MTA1: variants seen among roughly 807,000 people sequenced by gnomAD.
MTA1 encodes the protein metastasis associated 1.
In MTA1, 15 loss-of-function variants were observed where a neutral mutation model predicts 97.0. The ratio of observed to expected loss-of-function variants is 0.15; its 90% CI spans 0.10 to 0.24. The LOEUF (loss-of-function observed/expected upper bound fraction) is 0.24. MTA1 is among the 10% of genes least tolerant of loss of function. MTA1 has a pLI of 1.00. For synonymous variants in MTA1, 435 were observed against 417.5 expected (o/e 1.04, Z -0.51); for missense variants, 709 against 1,015.1 (o/e 0.70, Z 4.10).
chr14:105,458,216 G>A lies in MTA1; in HGVS notation c.551-54G>A, dbSNP rs782716799. On this transcript the variant is annotated intron_variant, in intron 7 of 20. Coordinates refer to ENST00000331320, the MANE Select transcript of MTA1 (RefSeq NM_004689.4). The stretch of plus-strand genomic sequence containing the variant: ...CCCCGCACCCGGGGAGGAGAGGCGC[G>A]GCCCGGCGCGCCGTGGGACCCCGTC... 4.2e-5 allele frequency: 63 copies of A among 1,517,396 alleles called. No individual in the cohort carries two copies. In the East Asian group the frequency reaches 7.3e-4, roughly 18 times the overall value. 94.0% of individuals were successfully genotyped at this position (1,517,396 alleles called of 1,614,324 possible).
intron 2 of MTA1, among the ~76,000 whole-genome samples, chr14:105,441,126 T>A (rs111705925): frequency 0.021 from 3,132 of 152,162 alleles, 111 homozygotes; most frequent in African/African-American, 0.071. Context: ...GGTCAGGTGG[T>A]CCCACAGAGC....
chr14:105,438,776 T>A, intron 2 of MTA1, 37 bp downstream of exon 2: 1 of 1,547,826 alleles, frequency 6.5e-7, no homozygotes, highest in African/African-American at 1.4e-5. Context: ...AGGGGGGTAG[T>A]GGGTGGGGGC....
chr14:105,468,158 T>G (rs2083674799), intron 18 of MTA1: 7 of 461,630 alleles, frequency 1.5e-5, no homozygotes, highest in Non-Finnish European at 2.5e-5. Context: ...TGGGTAGGCA[T>G]GAGCTGAGCT....
chr14:105,425,627 C>T (rs1243988488), intron 1 of MTA1, among the ~76,000 whole-genome samples: 1 of 152,132 alleles, frequency 6.6e-6, no homozygotes, highest in African/African-American at 2.4e-5. Context: ...GCTACCTGGG[C>T]TCACTGCTTT....
intron 1 of MTA1, among the ~76,000 whole-genome samples, chr14:105,427,947 C>T (rs114432038): frequency 0.016 from 2,307 of 144,650 alleles, 68 homozygotes; most frequent in African/African-American, 0.058. Context: ...GCGTGCAGGA[C>T]GCAGAGGTTG....
rs375221067 is a variant in MTA1 at position 105,466,493 on chromosome 14, G to C, written c.1692G>C (p.Thr564=). 1.3e-6 allele frequency: 2 copies of C among 1,557,880 alleles called. No homozygotes were observed. The highest frequency in any genetic ancestry group is 3.4e-4 in the Middle Eastern group (2 of 5,842). The change falls in exon 17 of 21, where the codon ACG becomes ACC. Residue 564 remains threonine, a synonymous_variant. Coordinates refer to ENST00000331320, the MANE Select transcript of MTA1 (RefSeq NM_004689.4). ...TGTCCAGCGTGCTCAGCAGCCTGACGCCCGCCAAGGTGGCCCCCGTCATCA... is the reference window on the plus strand; with the variant it reads ...TGTCCAGCGTGCTCAGCAGCCTGACCCCCGCCAAGGTGGCCCCCGTCATCA... ...KSVSSVLSSL[T]PAKVAPVINN...
chr14:105,429,624 T>C (rs1365394307), intron 1 of MTA1, among the ~76,000 whole-genome samples: 1 of 151,246 alleles, frequency 6.6e-6, no homozygotes, highest in Non-Finnish European at 1.5e-5. Context: ...GCTAATTTTT[T>C]GTATTTTTTT....
chr14:105,429,324 C>T (rs2082103827), intron 1 of MTA1, among the ~76,000 whole-genome samples: 1 of 151,882 alleles, frequency 6.6e-6, no homozygotes, highest in Non-Finnish European at 1.5e-5. Flanking sequence ...CTTGCTCTGT[C>T]GCCCAGGCTG....
At chr14:105,437,294 C>CCTCACGGGTGT (rs1555424589) in intron 1 of MTA1, among the ~76,000 whole-genome samples, 1 of 139,754 alleles carries the variant, frequency 7.2e-6, no homozygotes, top group African/African-American at 2.7e-5. Context: ...CCTGCAGGTG[C>CCTCACGGGTGT]GTCCTCATGG....
chr14:105,431,865 A>T (rs1236368480), intron 1 of MTA1, among the ~76,000 whole-genome samples: 2 of 151,908 alleles, frequency 1.3e-5, no homozygotes, highest in African/African-American at 4.8e-5. Context: ...ACCTCAGGTG[A>T]TCCGCCCACC....
intron 16 of MTA1, chr14:105,465,390 C>G (rs1487442037): frequency 2.5e-6 from 1 of 404,758 alleles, no homozygotes; most frequent in East Asian, 3.7e-5. Context: ...CTCCTGGGGT[C>G]GTGATGGGGC....
At chr14:105,433,576 A>T (rs1295672413) in intron 1 of MTA1, among the ~76,000 whole-genome samples, 3 of 152,254 alleles carry the variant, frequency 2.0e-5, no homozygotes, top group Non-Finnish European at 2.9e-5. Flanking sequence ...GGCCCTTTCC[A>T]GGAAAGGGAG....
At chr14:105,449,939 A>T in intron 4 of MTA1, 119 bp from the exon 5 acceptor site, 1 of 1,415,772 alleles carries the variant, frequency 7.1e-7, no homozygotes, top group Non-Finnish European at 9.7e-7. Context: ...CAGCAGGAGG[A>T]GGCACGCCTC....
At chr14:105,460,699 G>A in intron 9 of MTA1, 66 bp from the exon 10 acceptor site, 1 of 1,457,720 alleles carries the variant, frequency 6.9e-7, no homozygotes, top group Non-Finnish European at 9.1e-7. Flanking sequence ...TGAGGGAGGG[G>A]GTACCGTGCC....
chr14:105,439,924 C>T (rs1366442737), intron 2 of MTA1, among the ~76,000 whole-genome samples: 18 of 152,096 alleles, frequency 1.2e-4, no homozygotes, highest in African/African-American at 2.4e-4. Flanking sequence ...GAGGGGGCAG[C>T]GGGGGGAAGG....
chr14:105,427,556 C>T (rs782071999), intron 1 of MTA1, among the ~76,000 whole-genome samples: 14 of 152,110 alleles, frequency 9.2e-5, no homozygotes, highest in African/African-American at 2.7e-4. Flanking sequence ...AAGGCTGTTG[C>T]GTATTGATTG....
At position 105,463,622 on chromosome 14, in the gene MTA1, G is replaced by A. The variant is rs1555431583; in HGVS notation, c.1076+71G>A. ...GGGAGGGTGGGCACAGGGTGCTGGG[G>A]CCAGGCGGGTCCCAAGGAAACTCAA... On this transcript the variant is annotated intron_variant, in intron 12 of 20. Coordinates refer to ENST00000331320, the MANE Select transcript of MTA1 (RefSeq NM_004689.4). The surrounding 1 kb of genome is among the most constrained non-coding windows in gnomAD (Gnocchi z 5.9). 2 of 1,466,100 alleles carry A rather than the reference G, an allele frequency of 1.4e-6. No individual in the cohort carries two copies. The highest frequency in any genetic ancestry group is 2.3e-5 in the East Asian group (1 of 44,082). The allele number at this position is 1,466,100 out of a possible 1,614,324, so 90.8% of individuals were successfully genotyped here. A position where few individuals can be genotyped will look rare whatever the true frequency, so the allele number is the denominator to read the frequency against.
intron 7 of MTA1, among the ~76,000 whole-genome samples, chr14:105,456,353 C>G (rs1595383043): frequency 6.6e-6 from 1 of 152,214 alleles, no homozygotes; most frequent in East Asian, 1.9e-4. Context: ...CCTTGAGGTG[C>G]CCCCATCTTA....
At chr14:105,430,116 C>T (rs1210630083) in intron 1 of MTA1, among the ~76,000 whole-genome samples, 4 of 152,154 alleles carry the variant, frequency 2.6e-5, no homozygotes, top group African/African-American at 9.7e-5. Context: ...ACCTGCTTGG[C>T]GCTGAAGACC....
Sources: allele counts gnomAD v4.1 joint callset (sites outside exome capture counted in the v4.1 genomes callset), GRCh38; gene constraint gnomAD v4.1.1; non-coding constraint Gnocchi (gnomAD v3.1); transcripts MANE v1.5; gene names NCBI Gene and HGNC (gene_info 2026-07-23, HGNC 2026-07-21).